The following TK2 variants were observed in gnomAD, a reference collection of about 807,000 sequenced individuals.
TK2 encodes thymidine kinase 2.
In TK2, 35 loss-of-function variants were observed where a neutral mutation model predicts 41.9. That is an observed-to-expected ratio of 0.84 (90% confidence interval 0.64 to 1.11). The LOEUF is 1.11. TK2 is among the 50% of genes least tolerant of loss of function. The pLI is 0.00. For synonymous variants in TK2, 128 were observed against 129.1 expected (o/e 0.99, Z 0.06); for missense variants, 320 against 351.1 (o/e 0.91, Z 0.71).
intron 6 of TK2, among the ~76,000 whole-genome samples, chr16:66,521,368 A>G (rs924685487): frequency 6.6e-6 from 1 of 151,948 alleles, no homozygotes; most frequent in African/African-American, 2.4e-5. Flanking sequence ...TCCCACTCCC[A>G]CCCCCATCAC....
intron 6 of TK2, among the ~76,000 whole-genome samples, chr16:66,525,347 G>A (rs1468734788): frequency 6.6e-6 from 1 of 152,214 alleles, no homozygotes; most frequent in Non-Finnish European, 1.5e-5. Flanking sequence ...TCAATGATAA[G>A]TTATGTAAAT....
chr16:66,528,258 T>A (rs1964995974), intron 6 of TK2, among the ~76,000 whole-genome samples: 1 of 152,118 alleles, frequency 6.6e-6, no homozygotes, highest in Admixed American at 6.5e-5. Context: ...GCAACCCATT[T>A]CCAAGACCCC....
At chr16:66,538,997 A>G (rs1965370747) in intron 3 of TK2, among the ~76,000 whole-genome samples, 1 of 152,162 alleles carries the variant, frequency 6.6e-6, no homozygotes, top group Non-Finnish European at 1.5e-5. Context: ...AATGGTACCT[A>G]CTTCAGAGGG....
chr16:66,548,499 C>A (rs891192574), intron 2 of TK2, among the ~76,000 whole-genome samples: 1 of 152,206 alleles, frequency 6.6e-6, no homozygotes, highest in African/African-American at 2.4e-5. Flanking sequence ...ACAGCCCCAG[C>A]CCAGAGCCAG....
At chr16:66,518,865 A>T in intron 6 of TK2, among the ~76,000 whole-genome samples, 1 of 152,134 alleles carries the variant, frequency 6.6e-6, no homozygotes, top group South Asian at 2.1e-4. Flanking sequence ...TTTTTTCTTT[A>T]TACCTTTTTG....
chr16:66,526,584 T>A (rs1017499628), intron 6 of TK2, among the ~76,000 whole-genome samples: 1 of 152,044 alleles, frequency 6.6e-6, no homozygotes, highest in Non-Finnish European at 1.5e-5. Context: ...ACCCTGTCTC[T>A]ACAAAAAATA....
In TK2 at chr16:66,529,020, G is replaced by T. The variant is rs1555526488; in HGVS notation, c.423C>A (p.Tyr141Ter). The T allele has an allele frequency of 6.2e-7, 1 of 1,614,082 alleles. No individual in the cohort carries two copies. The highest frequency in any genetic ancestry group is 8.5e-7 in the Non-Finnish European group (1 of 1,180,012). Residue 141 changes from tyrosine to a stop codon, truncating the protein, a stop_gained, in exon 6 of 10, where the codon TAC becomes TAA. Transcript: ENST00000544898. LOFTEE classifies it high-confidence loss of function. ...TTCTATACAGGTTTTCTACAAAAAT[G>T]TATCTTGCGCTGTGAATCGACCTCT... is the stretch of plus-strand genomic sequence containing the variant. ...LMERSIHSAR[Y>*]IFVENLYRSG...
At chr16:66,545,504 G>T (rs1258870861) in intron 2 of TK2, among the ~76,000 whole-genome samples, 2 of 152,162 alleles carry the variant, frequency 1.3e-5, no homozygotes, top group Non-Finnish European at 2.9e-5. Context: ...ACTAATACGT[G>T]CTACAAGGCA....
intron 6 of TK2, 147 bp downstream of exon 6, chr16:66,528,847 T>C: frequency 1.3e-6 from 1 of 767,702 alleles, no homozygotes; most frequent in Non-Finnish European, 2.2e-6. Context: ...TGAGGATTCG[T>C]GGCTGTTTGT....
intron 9 of TK2, among the ~76,000 whole-genome samples, chr16:66,512,827 C>T (rs953316314): frequency 6.6e-6 from 1 of 152,110 alleles, no homozygotes; most frequent in Admixed American, 6.6e-5. Flanking sequence ...TCTCACTTTC[C>T]GGCAACCTCA....
chr16:66,519,626 A>G (rs986553829), intron 6 of TK2, among the ~76,000 whole-genome samples: 1 of 152,228 alleles, frequency 6.6e-6, no homozygotes, highest in Non-Finnish European at 1.5e-5. Flanking sequence ...ATGAACAGGA[A>G]AGAGAGAGCA....
chr16:66,527,609 T>A (rs1693461432), intron 6 of TK2, among the ~76,000 whole-genome samples: 1 of 152,098 alleles, frequency 6.6e-6, no homozygotes, highest in Admixed American at 6.5e-5. Flanking sequence ...TGGGTGGCAA[T>A]AAACAATTAG....
intron 3 of TK2, among the ~76,000 whole-genome samples, chr16:66,540,146 T>C (rs1238448006): frequency 6.6e-6 from 1 of 151,674 alleles, no homozygotes; most frequent in Non-Finnish European, 1.5e-5. Flanking sequence ...TCAAACTATA[T>C]ATATTTCTTT....
Position 66,524,202 on chromosome 16 carries a change from G to A in TK2, c.449+4792C>T, listed in dbSNP as rs977002910. On this transcript the variant is annotated intron_variant, in intron 6 of 9. Coordinates refer to ENST00000544898, the MANE Select transcript of TK2 (RefSeq NM_004614.5). The stretch of plus-strand genomic sequence containing the variant: ...TGGTCCCAAAGACAACCCTCAGGCC[G>A]AGGCTCTTGTTCTTATGACCCCCAA... Among the ~76,000 whole-genome samples the A allele has an allele frequency of 2.6e-5, 4 of 152,136 alleles. 1 individual carries two copies. Among genetic ancestry groups the A allele is most frequent in the Non-Finnish European group, 5.9e-5 (4 of 68,028 alleles).
At chr16:66,519,047 C>T (rs551953620) in intron 6 of TK2, among the ~76,000 whole-genome samples, 21 of 151,952 alleles carry the variant, frequency 1.4e-4, no homozygotes, top group Non-Finnish European at 2.1e-4. Context: ...CTGCAAGCTC[C>T]GCCCCCCAGG....
chr16:66,528,766 G>A (rs1965013514), intron 6 of TK2, among the ~76,000 whole-genome samples: 1 of 152,160 alleles, frequency 6.6e-6, no homozygotes, highest in African/African-American at 2.4e-5. Context: ...ATTGAGCCTA[G>A]CCAAGGTAAG....
At chr16:66,549,311 G>A in intron 1 of TK2, 1 of 1,198,622 alleles carries the variant, frequency 8.3e-7, no homozygotes, top group Admixed American at 4.1e-5. Context: ...TTAAGCAAGT[G>A]GAAAGGCAGA....
At chr16:66,528,650 G>A (rs745749383) in intron 6 of TK2, among the ~76,000 whole-genome samples, 2 of 152,216 alleles carry the variant, frequency 1.3e-5, no homozygotes, top group Non-Finnish European at 2.9e-5. Context: ...ACCTGGGCTG[G>A]TTTGCTGGTC....
intron 2 of TK2, among the ~76,000 whole-genome samples, chr16:66,542,782 G>A (rs987245724): frequency 6.6e-6 from 1 of 152,282 alleles, no homozygotes; most frequent in Admixed American, 6.5e-5. Flanking sequence ...TATACGCTAG[G>A]ACCACCTGGG....
Sources: allele counts gnomAD v4.1 joint callset (sites outside exome capture counted in the v4.1 genomes callset), GRCh38; gene constraint gnomAD v4.1.1; transcripts MANE v1.5; gene names NCBI Gene and HGNC (gene_info 2026-07-23, HGNC 2026-07-21).